The following GAS2 variants were observed in gnomAD, a reference collection of about 807,000 sequenced individuals.
GAS2 encodes the protein growth arrest specific 2.
GAS2 carries 20 observed loss-of-function variants against 37.5 expected under a neutral mutation model. That is an observed-to-expected ratio of 0.53 (90% CI 0.37 to 0.77). The LOEUF is 0.77. GAS2 is among the 30% of genes least tolerant of loss of function. GAS2 has a pLI of 0.00. For synonymous variants in GAS2, 144 were observed against 132.2 expected, an observed-to-expected ratio of 1.09 and a Z score of -0.61; for missense variants, 336 against 373.4, an observed-to-expected ratio of 0.90 and a Z score of 0.82.
intron 4 of GAS2, among the ~76,000 whole-genome samples, chr11:22,730,179 T>C (rs527696036): frequency 6.6e-6 from 1 of 151,922 alleles, no homozygotes; most frequent in African/African-American, 2.4e-5. Context: ...CAATAAAATT[T>C]CACATTCAGA....
intron 7 of GAS2, among the ~76,000 whole-genome samples, chr11:22,786,738 G>A (rs535626455): frequency 8.5e-4 from 129 of 152,226 alleles, no homozygotes; most frequent in African/African-American, 3.0e-3. Flanking sequence ...CAAATGGGTA[G>A]GACATTGTCA....
upstream of GAS2, among the ~76,000 whole-genome samples, chr11:22,663,102 GAGAA>G (rs1246165440): frequency 9.2e-5 from 14 of 152,208 alleles, no homozygotes; most frequent in East Asian, 2.3e-3. Flanking sequence ...GCAGGAGAGA[GAGAA>G]AGAGAGAGGG....
intron 1 of GAS2, among the ~76,000 whole-genome samples, chr11:22,645,109 A>G (rs892596931): frequency 6.6e-6 from 1 of 152,230 alleles, no homozygotes; most frequent in East Asian, 1.9e-4. Context: ...TCCATAGCCA[A>G]TTCTACATAT....
chr11:22,661,327 T>G (rs774843512), intron 1 of GAS2, among the ~76,000 whole-genome samples: 7 of 152,056 alleles, frequency 4.6e-5, no homozygotes, highest in Non-Finnish European at 1.0e-4. Flanking sequence ...GTTTTATGAT[T>G]TATTTATTTA....
At chr11:22,629,320 G>T (rs571128041) in intron 1 of GAS2, among the ~76,000 whole-genome samples, 1 of 151,796 alleles carries the variant, frequency 6.6e-6, no homozygotes, top group Non-Finnish European at 1.5e-5. Context: ...CACCACATCC[G>T]TGCCAGCATC....
chr11:22,750,707 A>AT (rs1166286914), intron 6 of GAS2, among the ~76,000 whole-genome samples: 1 of 151,842 alleles, frequency 6.6e-6, no homozygotes, highest in Non-Finnish European at 1.5e-5. Context: ...TGATGAGAAC[A>AT]TTTTTTCTTC....
At chr11:22,764,891 A>G (rs1451721384) in intron 7 of GAS2, among the ~76,000 whole-genome samples, 2 of 152,184 alleles carry the variant, frequency 1.3e-5, no homozygotes. Flanking sequence ...CTCATCTCCA[A>G]CTCAGTTAGC....
chr11:22,753,471 C>A (rs1853856203), intron 6 of GAS2, among the ~76,000 whole-genome samples: 1 of 152,090 alleles, frequency 6.6e-6, no homozygotes, highest in Admixed American at 6.6e-5. Flanking sequence ...AAGAAGACTG[C>A]AAAATGGAAT....
At chr11:22,686,406 G>A (rs996126366) in intron 3 of GAS2, among the ~76,000 whole-genome samples, 1 of 151,576 alleles carries the variant, frequency 6.6e-6, no homozygotes, top group African/African-American at 2.4e-5. Flanking sequence ...AGAATGAAAA[G>A]AGATATAAAA....
At chr11:22,740,113 G>A (rs1387702079) in intron 5 of GAS2, among the ~76,000 whole-genome samples, 1 of 152,100 alleles carries the variant, frequency 6.6e-6, no homozygotes, top group Admixed American at 6.6e-5. Context: ...CTCCGAGTCT[G>A]GCATAAATTG....
At chr11:22,730,715 T>C (rs1852429851) in intron 4 of GAS2, among the ~76,000 whole-genome samples, 1 of 151,700 alleles carries the variant, frequency 6.6e-6, no homozygotes, top group South Asian at 2.1e-4. Flanking sequence ...ATAAACAAAA[T>C]AGACCCCAAT....
At chr11:22,668,608 A>C (rs1178356398) in intron 1 of GAS2, among the ~76,000 whole-genome samples, 1 of 152,212 alleles carries the variant, frequency 6.6e-6, no homozygotes. Context: ...ATTTTTTAGC[A>C]TCTTGGTTAG....
At chr11:22,637,084 A>G (rs1378698008) in intron 1 of GAS2, among the ~76,000 whole-genome samples, 1 of 131,930 alleles carries the variant, frequency 7.6e-6, no homozygotes, top group Non-Finnish European at 1.5e-5. Flanking sequence ...ATATTAATAT[A>G]ATAAGTAATA....
intron 6 of GAS2, among the ~76,000 whole-genome samples, chr11:22,755,228 A>G (rs1232662226): frequency 6.6e-6 from 1 of 152,132 alleles, no homozygotes; most frequent in Non-Finnish European, 1.5e-5. Flanking sequence ...CACATAAGCT[A>G]TAAAACATGG....
chr11:22,771,362 T>TA lies in GAS2; in HGVS notation c.723+15415dup, dbSNP rs578017842. On this transcript the variant is annotated intron_variant, in intron 7 of 7. Transcript: ENST00000454584. ...TATTTGGAACAATACATTTATAGAA[T>TA]AAAAAATGAAACACCATATAATTTC... Among the ~76,000 whole-genome samples the TA allele has an allele frequency of 4.0e-3, 607 of 152,272 alleles. 6 individuals are homozygous for TA. Among genetic ancestry groups the TA allele is most frequent in the African/African-American group, 0.014 (576 of 41,560 alleles).
At chr11:22,748,889 A>G (rs1853564611) in intron 5 of GAS2, among the ~76,000 whole-genome samples, 2 of 152,070 alleles carry the variant, frequency 1.3e-5, no homozygotes, top group South Asian at 2.1e-4. Flanking sequence ...TTTTTAGTAT[A>G]CTATGTGTGT....
intron 1 of GAS2, among the ~76,000 whole-genome samples, chr11:22,630,261 T>C (rs1858725934): frequency 1.3e-5 from 2 of 152,150 alleles, no homozygotes; most frequent in Admixed American, 1.3e-4. Context: ...AGTGTTCTCA[T>C]TGTTCAGTTC....
intron 7 of GAS2, among the ~76,000 whole-genome samples, chr11:22,804,381 C>A (rs566551606): frequency 1.3e-5 from 2 of 152,110 alleles, no homozygotes; most frequent in African/African-American, 4.8e-5. Context: ...AAGGAGTGGG[C>A]AATATCATTA....
intron 1 of GAS2, among the ~76,000 whole-genome samples, chr11:22,633,729 G>A (rs1858779082): frequency 6.6e-6 from 1 of 152,162 alleles, no homozygotes; most frequent in Non-Finnish European, 1.5e-5. Context: ...CCCCAACCAG[G>A]CCAGCAGGAA....
Sources: gnomAD v4.1 joint callset for allele counts (sites outside exome capture counted in the v4.1 genomes callset) on GRCh38, gnomAD v4.1.1 for gene constraint, MANE v1.5 for transcripts, NCBI Gene and HGNC (gene_info 2026-07-23, HGNC 2026-07-21) for gene names.